MASP2: variants seen among roughly 807,000 people sequenced by gnomAD.
The protein encoded by MASP2 is mannan-binding lectin serine protease 2.
A neutral mutation model predicts 57.1 loss-of-function variants in MASP2; 49 were observed. The observed-to-expected ratio is 0.86, with a 90% CI of 0.68 to 1.09. The LOEUF (loss-of-function observed/expected upper bound fraction) is 1.09. MASP2 is among the 50% of genes least tolerant of loss of function. The pLI, the probability that MASP2 is intolerant of heterozygous loss-of-function variation, is 0.00. For missense variants in MASP2, 900 were observed against 874.8 expected, an observed-to-expected ratio of 1.03 and a Z score of -0.36; for synonymous variants, 379 against 340.8, an observed-to-expected ratio of 1.11 and a Z score of -1.24.
rs1643833015 is a variant in MASP2, at chr1:11,030,887, G to A, written c.1088-5C>T. On this transcript the variant is annotated splice_polypyrimidine_tract_variant and splice_region_variant and intron_variant, in intron 8 of 10. Coordinates refer to ENST00000400897, the MANE Select transcript of MASP2 (RefSeq NM_006610.4). Reference sequence around the variant, plus strand: ...CAGGAGGGCCACAGTCAACAACTAAGAAAGAAGCATGGGAGGGAGGAATCC... The same window carrying A: ...CAGGAGGGCCACAGTCAACAACTAAAAAAGAAGCATGGGAGGGAGGAATCC... The A allele has an allele frequency of 6.2e-7, 1 of 1,611,116 alleles. No individual in the cohort carries two copies. Among genetic ancestry groups the A allele is most frequent in the South Asian group, 1.1e-5 (1 of 90,700 alleles).
intron 10 of MASP2, among the ~76,000 whole-genome samples, chr1:11,028,453 A>C (rs895987249): frequency 1.3e-5 from 2 of 152,196 alleles, no homozygotes; most frequent in Non-Finnish European, 2.9e-5. Context: ...AGAATGTTGC[A>C]GTTGTGGCTA....
At chr1:11,043,267 TGCA>T (rs1638516375) in intron 5 of MASP2, 69 bp downstream of exon 5, 4 of 1,360,036 alleles carry the variant, frequency 2.9e-6, no homozygotes, top group Non-Finnish European at 3.0e-6. Context: ...GGGGCCATGC[TGCA>T]GGAAGTAGGG....
chr1:11,030,774 G>T lies in MASP2; in HGVS notation c.1196C>A (p.Thr399Asn). 1 of 1,611,636 alleles carries T rather than the reference G, an allele frequency of 6.2e-7. No homozygotes were observed. The change falls in exon 9 of 11, where the codon ACC (threonine) becomes AAC (asparagine). Residue 399 changes from threonine to asparagine, a missense_variant. Transcript: ENST00000400897. Reference protein sequence around the residue: ...KAVIQYSCEETFYTMKVNDGK... With the variant: ...KAVIQYSCEENFYTMKVNDGK... ...ATCATTCACTTTCATTGTGTAGAAG[G>T]TCTCTTCACAGCTGTACTGAATCAC... is the stretch of plus-strand genomic sequence containing the variant.
rs531194789 is a variant in MASP2 at position 11,031,421 on chromosome 1, C to T, written c.1088-539G>A. 1.9e-3 allele frequency among the ~76,000 whole-genome samples: 283 copies of T among 147,650 alleles called. 2 individuals carry two copies. Among genetic ancestry groups the T allele is most frequent in the Admixed American group, 3.5e-3 (51 of 14,632 alleles). On this transcript the variant is annotated intron_variant, in intron 8 of 10. Coordinates refer to ENST00000400897, the MANE Select transcript of MASP2 (RefSeq NM_006610.4). ...GCGGGCGCCTGTAGTCCCAGCTACT[C>T]GGGAGGCTGAGGCAGGAGAATGGCA...
At position 11,027,497 on chromosome 1, in the gene MASP2, A is replaced by G; in HGVS notation, c.1449T>C (p.His483=). The G allele has an allele frequency of 6.2e-7, 1 of 1,614,202 alleles. No homozygotes were observed. The highest frequency in any genetic ancestry group is 8.5e-7 in the Non-Finnish European group (1 of 1,180,040). ...LYDNWVLTAA[H]AVYEQKHDAS... ...CATCATGTTTTTGCTCATAGACGGC[A>G]TGAGCAGCTGTTAGGACCCAGTTGT... is the stretch of plus-strand genomic sequence containing the variant. The change falls in exon 11 of 11, where the codon CAT becomes CAC. Residue 483 remains histidine (H), a synonymous_variant. Coordinates refer to ENST00000400897, the MANE Select transcript of MASP2 (RefSeq NM_006610.4).
intron 8 of MASP2, 37 bp from the exon 9 acceptor site, chr1:11,030,919 C>CATTT (rs780149419): frequency 6.3e-7 from 1 of 1,597,482 alleles, no homozygotes; most frequent in Non-Finnish European, 8.5e-7. Flanking sequence ...ATCCATTGAT[C>CATTT]ATTTCAGTGC....
chr1:11,040,367 G>C (rs1638387290), intron 6 of MASP2, among the ~76,000 whole-genome samples: 1 of 86,992 alleles, frequency 1.1e-5, no homozygotes, highest in South Asian at 4.7e-4. Flanking sequence ...TATTCTAGAG[G>C]CTGAGGCAGG....
At chr1:11,045,323 C>A in intron 4 of MASP2, 85 bp downstream of exon 4, 1 of 1,594,098 alleles carries the variant, frequency 6.3e-7, no homozygotes, top group Non-Finnish European at 8.5e-7. Flanking sequence ...AGGCCCTCCG[C>A]ACCCCTGGGC....
intron 7 of MASP2, among the ~76,000 whole-genome samples, chr1:11,035,178 C>T (rs539407671): frequency 1.3e-5 from 2 of 152,080 alleles, no homozygotes; most frequent in African/African-American, 4.8e-5. Flanking sequence ...TCAGATGGAA[C>T]CTTTGCAGCA....
chr1:11,030,358 T>C (rs1486512304), intron 9 of MASP2, 108 bp from the exon 10 acceptor site: 2 of 737,474 alleles, frequency 2.7e-6, no homozygotes, highest in Non-Finnish European at 4.6e-6. Context: ...CAGTGGGACA[T>C]AGAGGTGTCT....
chr1:11,036,541 A>AC (rs1273599752), intron 7 of MASP2, among the ~76,000 whole-genome samples: 48 of 147,666 alleles, frequency 3.3e-4, no homozygotes, highest in African/African-American at 1.1e-3. Flanking sequence ...AAAAAAACAA[A>AC]AAAAAAAGAA....
chr1:11,030,943 G>T (rs1643834104), intron 8 of MASP2, 61 bp from the exon 9 acceptor site: 3 of 1,556,892 alleles, frequency 1.9e-6, no homozygotes, highest in Non-Finnish European at 2.6e-6. Flanking sequence ...CTTTCCAAAG[G>T]TCTGGAGAAG....
rs963578964 is a variant in MASP2, at chr1:11,041,584, G to C, written c.889+1291C>G. Among the ~76,000 whole-genome samples the C allele has an allele frequency of 8.1e-5, 10 of 123,474 alleles. No individual in the cohort carries two copies. The Admixed American group carries it at 8.7e-4, about 11-fold the overall frequency. The allele number at this position is 123,474 out of a possible 152,430, so 81.0% of individuals were successfully genotyped here. A position where few individuals can be genotyped will look rare whatever the true frequency, so the allele number is the denominator to read the frequency against. ...AGTAGACAGAAGAATAAGTGGGTGG[G>C]TGGGTGGATGGATGGTGGATGGATG... On this transcript the variant is annotated intron_variant, in intron 6 of 10. Transcript: ENST00000400897.
At chr1:11,039,779 G>A (rs1193975794) in intron 6 of MASP2, among the ~76,000 whole-genome samples, 1 of 151,456 alleles carries the variant, frequency 6.6e-6, no homozygotes, top group Non-Finnish European at 1.5e-5. Context: ...TAGAAGGTCG[G>A]GTGGATGGTT....
chr1:11,043,225 T>C (rs1168520314), intron 5 of MASP2, 114 bp downstream of exon 5: 1 of 1,061,610 alleles, frequency 9.4e-7, no homozygotes, highest in Non-Finnish European at 1.4e-6. Flanking sequence ...CCTGAAGAGG[T>C]GGGGGTCACC....
rs1315298887 is a variant in MASP2, at chr1:11,030,306, T to C, written c.1223-56A>G. 2.5e-6 allele frequency: 3 copies of C among 1,206,016 alleles called. No individual in the cohort carries two copies. The African/African-American group carries it at 4.5e-5, about 18-fold the overall frequency. The allele number at this position is 1,206,016 out of a possible 1,614,324, so 74.7% of individuals were successfully genotyped here. A position where few individuals can be genotyped will look rare whatever the true frequency, so the allele number is the denominator to read the frequency against. On this transcript the variant is annotated intron_variant, in intron 9 of 10. Coordinates refer to ENST00000400897, the MANE Select transcript of MASP2 (RefSeq NM_006610.4). ...AACTGCATGTATAAGATGGTTGTCA[T>C]TTGCTTGAATACCCCCTTGAAAAAT... is the stretch of plus-strand genomic sequence containing the variant.
In MASP2 at chr1:11,043,028, A is replaced by G; in HGVS notation, c.742-6T>C. The G allele has an allele frequency of 6.2e-7, 1 of 1,613,100 alleles. No individual in the cohort carries two copies. Among genetic ancestry groups the G allele is most frequent in the South Asian group, 1.1e-5 (1 of 91,036 alleles). On this transcript the variant is annotated splice_polypyrimidine_tract_variant and splice_region_variant and intron_variant, in intron 5 of 10. Coordinates refer to ENST00000400897, the MANE Select transcript of MASP2 (RefSeq NM_006610.4). ...TCTTCTCTGTCTGTTTGAATCTGAG[A>G]AAGAAGCTCATGAAAGCTGGGGAGC...
rs138386377 is a variant in MASP2, at chr1:11,046,560, G to A, written c.408C>T (p.Ala136=). The A allele has an allele frequency of 1.5e-3, 2,377 of 1,613,848 alleles. 34 individuals are homozygous for A. The African/African-American group carries it at 0.026, about 18-fold the overall frequency. ...GCAGGACCCCTCTTGGCTCACCCTC[G>A]GCTGCATAGAAGGCCTCGAACCCCG... is the stretch of plus-strand genomic sequence containing the variant. ...PFTGFEAFYA[A]EDIDECQVAP... Residue 136 remains alanine, a synonymous_variant, in exon 3 of 11, where the codon GCC becomes GCT. Transcript: ENST00000400897.
intron 8 of MASP2, among the ~76,000 whole-genome samples, chr1:11,033,338 AAAG>A: frequency 6.7e-6 from 1 of 150,214 alleles, no homozygotes; most frequent in South Asian, 2.1e-4. Context: ...CCAAAAAAAA[AAAG>A]AAAAAGAAAA....
Sources: gnomAD v4.1 joint callset for allele counts (sites outside exome capture counted in the v4.1 genomes callset) on GRCh38, gnomAD v4.1.1 for gene constraint, MANE v1.5 for transcripts, NCBI Gene and HGNC (gene_info 2026-07-23, HGNC 2026-07-21) for gene names.